RNF216: variants seen among roughly 807,000 people sequenced by gnomAD.
The protein encoded by RNF216 is ring finger protein 216, also known as E3 ubiquitin-protein ligase RNF216.
A neutral mutation model predicts 110.8 loss-of-function variants in RNF216; 72 were observed. That is an observed-to-expected ratio of 0.65 (90% CI 0.54 to 0.79). The LOEUF is 0.79. Among genes scored for constraint, RNF216 ranks in the 30% least tolerant of loss-of-function variants. The pLI, the probability that RNF216 is intolerant of heterozygous loss-of-function variation, is 0.00. For synonymous variants in RNF216, 495 were observed against 407.5 expected (o/e 1.21, Z -2.59); for missense variants, 1,342 against 1,141.2 (o/e 1.18, Z -2.54).
chr7:5,657,064 A>G (rs549892424), intron 13 of RNF216, among the ~76,000 whole-genome samples: 2 of 152,350 alleles, frequency 1.3e-5, no homozygotes, highest in Non-Finnish European at 2.9e-5. Flanking sequence ...CATGCGTGCT[A>G]GATTTCAGTT....
intron 13 of RNF216, among the ~76,000 whole-genome samples, chr7:5,655,295 A>G (rs1788665393): frequency 6.6e-6 from 1 of 152,152 alleles, no homozygotes; most frequent in African/African-American, 2.4e-5. Flanking sequence ...CTTCTTACTG[A>G]AGGGCCCGAG....
At chr7:5,692,429 G>A (rs1791391786) in intron 13 of RNF216, among the ~76,000 whole-genome samples, 2 of 152,226 alleles carry the variant, frequency 1.3e-5, no homozygotes, top group South Asian at 4.1e-4. Context: ...TACTCTGTGG[G>A]AAAAGGCAGC....
At chr7:5,775,095 C>T (rs968926773) in intron 1 of RNF216, 3 of 152,108 alleles carry the variant, frequency 2.0e-5, no homozygotes, top group Admixed American at 6.6e-5. Context: ...AGTTGTTGAA[C>T]GAGTGGCTCC....
chr7:5,761,038 A>T lies in RNF216; in HGVS notation c.32T>A (p.Ile11Asn). 6.3e-7 allele frequency: 1 copy of T among 1,586,438 alleles called. No homozygotes were observed. The highest frequency in any genetic ancestry group is 2.3e-5 in the East Asian group (1 of 43,916). Reference sequence around the variant, plus strand: ...ATGGCAGTGAAAGTTGTTCAAGTGAATTACCTCTTCATTGTTGTTTCCCTC... The same window carrying T: ...ATGGCAGTGAAAGTTGTTCAAGTGATTTACCTCTTCATTGTTGTTTCCCTC... MEEGNNNEEVIHLNNFHCHRG... is the reference protein window; with the variant it reads MEEGNNNEEVNHLNNFHCHRG... Residue 11 changes from isoleucine to asparagine, a missense_variant, in exon 2 of 17, where the codon ATT becomes AAT. Coordinates refer to ENST00000389902, the MANE Select transcript of RNF216 (RefSeq NM_207111.4).
rs1189461587 is a variant in RNF216 at position 5,624,892 on chromosome 7, G to A, written c.2383-767C>T. Among the ~76,000 whole-genome samples, 1 of 152,226 alleles carries A rather than the reference G, an allele frequency of 6.6e-6. No individual in the cohort carries two copies. ...ACATGCAGCTCCCACACCCCCACCT[G>A]CCAGCAGACACCATGGTGGGAGGAC... On this transcript the variant is annotated intron_variant, in intron 15 of 16. Transcript: ENST00000389902. This position sits in a 1 kb window ranked among gnomAD's most constrained non-coding sequence, Gnocchi z 4.4.
chr7:5,745,039 AT>A (rs1794961623), intron 3 of RNF216, among the ~76,000 whole-genome samples: 1 of 152,186 alleles, frequency 6.6e-6, no homozygotes, highest in Non-Finnish European at 1.5e-5. Context: ...TTATAAAAAA[AT>A]AAACATGTCA....
At chr7:5,645,193 T>C (rs1035514076) in intron 14 of RNF216, among the ~76,000 whole-genome samples, 3 of 152,214 alleles carry the variant, frequency 2.0e-5, no homozygotes, top group African/African-American at 7.2e-5. Flanking sequence ...ACAGTTTGAC[T>C]CTGATGTGTC....
intron 8 of RNF216, among the ~76,000 whole-genome samples, chr7:5,724,833 G>A (rs891394052): frequency 3.3e-5 from 5 of 152,096 alleles, no homozygotes; most frequent in Non-Finnish European, 7.4e-5. Context: ...CATTTTTGGG[G>A]ATCAGACCTA....
chr7:5,701,862 A>G (rs1029625269), intron 13 of RNF216, among the ~76,000 whole-genome samples: 3 of 152,214 alleles, frequency 2.0e-5, no homozygotes, highest in Non-Finnish European at 4.4e-5. Context: ...TTACTATGAA[A>G]GCCCAGCAAA....
At chr7:5,686,833 G>A (rs1791018327) in intron 13 of RNF216, among the ~76,000 whole-genome samples, 1 of 152,202 alleles carries the variant, frequency 6.6e-6, no homozygotes, top group Admixed American at 6.5e-5. Flanking sequence ...CTCTCATAAG[G>A]AGTGTGCAAC....
At chr7:5,719,169 C>T (rs1028200365) in intron 9 of RNF216, among the ~76,000 whole-genome samples, 4 of 152,072 alleles carry the variant, frequency 2.6e-5, no homozygotes, top group African/African-American at 9.7e-5. Context: ...CGGCTTGAGG[C>T]CAGAAGTTCG....
chr7:5,652,421 A>G lies in RNF216; in HGVS notation c.2151T>C (p.Arg717=), dbSNP rs1788451425. ...ELAEKDDIKY[R]TSIEEKMTAA... is the part of the protein sequence containing the mutation. Reference sequence around the variant, plus strand: ...TGAATTCTGTTACTCACATAGAGGTACGGTACTTGATGTCGTCTTTTTCAG... The same window carrying G: ...TGAATTCTGTTACTCACATAGAGGTGCGGTACTTGATGTCGTCTTTTTCAG... Residue 717 remains arginine (R), a synonymous_variant, in exon 14 of 17, where the codon CGT becomes CGC. Coordinates refer to ENST00000389902, the MANE Select transcript of RNF216 (RefSeq NM_207111.4). 6.2e-7 allele frequency: 1 copy of G among 1,609,288 alleles called. No homozygotes were observed. Among genetic ancestry groups the G allele is most frequent in the Non-Finnish European group, 8.5e-7 (1 of 1,175,770 alleles).
intron 15 of RNF216, among the ~76,000 whole-genome samples, chr7:5,627,744 TAA>T (rs1230237652): frequency 1.4e-4 from 18 of 131,294 alleles, no homozygotes; most frequent in Admixed American, 2.3e-4. Context: ...AGACTCTGTC[TAA>T]AAAAAAAAAA....
At chr7:5,698,966 C>G (rs989252029) in intron 13 of RNF216, among the ~76,000 whole-genome samples, 1 of 152,162 alleles carries the variant, frequency 6.6e-6, no homozygotes, top group African/African-American at 2.4e-5. Context: ...AACTGGAAAG[C>G]AGCAAAGCAA....
chr7:5,771,009 T>C (rs1204389607), intron 1 of RNF216, among the ~76,000 whole-genome samples: 1 of 152,186 alleles, frequency 6.6e-6, no homozygotes, highest in East Asian at 1.9e-4. Context: ...GGTTTCACCA[T>C]GTTGGCCAGG....
chr7:5,701,988 C>T (rs748489753), intron 13 of RNF216, among the ~76,000 whole-genome samples: 6 of 152,146 alleles, frequency 3.9e-5, no homozygotes, highest in African/African-American at 1.4e-4. Context: ...AAGGGAGCAC[C>T]AGGATGTTGT....
chr7:5,673,447 A>G (rs1303593523), intron 13 of RNF216, among the ~76,000 whole-genome samples: 3 of 152,232 alleles, frequency 2.0e-5, no homozygotes, highest in Non-Finnish European at 4.4e-5. Context: ...GGGCCAGACT[A>G]ACAAGAGTGA....
At chr7:5,720,986 A>T in intron 9 of RNF216, 47 bp downstream of exon 9, 1 of 1,600,890 alleles carries the variant, frequency 6.2e-7, no homozygotes, top group Non-Finnish European at 8.5e-7. Flanking sequence ...CTAAGAGCAA[A>T]CCAGAATCCC....
At chr7:5,733,384 C>A (rs1293109530) in intron 5 of RNF216, among the ~76,000 whole-genome samples, 1 of 152,132 alleles carries the variant, frequency 6.6e-6, no homozygotes, top group African/African-American at 2.4e-5. Context: ...AGTAGGAGAA[C>A]AGAACTGTAA....
Sources: allele counts gnomAD v4.1 joint callset (sites outside exome capture counted in the v4.1 genomes callset), GRCh38; gene constraint gnomAD v4.1.1; non-coding constraint Gnocchi (gnomAD v3.1); transcripts MANE v1.5; gene names NCBI Gene and HGNC (gene_info 2026-07-23, HGNC 2026-07-21).